Variants in PRSS23 observed in about 807,000 individuals in gnomAD.
The protein encoded by PRSS23 is serine protease 23.
Under a neutral mutation model 34.7 loss-of-function variants are expected in PRSS23, and 25 were observed. The ratio of observed to expected loss-of-function variants is 0.72; its 90% CI spans 0.53 to 1.01. The LOEUF is 1.01. PRSS23 is among the 50% of genes least tolerant of loss of function. PRSS23 has a pLI of 0.00. For missense variants in PRSS23, 445 were observed against 475.6 expected (o/e 0.94, Z 0.60); for synonymous variants, 176 against 186.6 (o/e 0.94, Z 0.46).
At position 86,939,429 on chromosome 11, in the gene PRSS23, T is replaced by A. The variant is rs1188188999; in HGVS notation, c.207-11787T>A. On this transcript the variant is annotated intron_variant, in intron 2 of 2. Coordinates refer to the PRSS23 transcript ENST00000533902. ...ATATATATATATATATATATATATTTTTTAACATGAGTAAAAATTGCAAAT... is the reference window on the plus strand; with the variant it reads ...ATATATATATATATATATATATATTATTTAACATGAGTAAAAATTGCAAAT... Among the ~76,000 whole-genome samples, 20 of 141,424 alleles carry A rather than the reference T, an allele frequency of 1.4e-4. 1 individual carries two copies. The highest frequency in any genetic ancestry group is 2.3e-4 in the Non-Finnish European group (15 of 65,756). 92.8% of individuals were successfully genotyped at this position (141,424 alleles called of 152,430 possible).
At position 86,951,273 on chromosome 11, in the gene PRSS23, T is replaced by C. The variant is rs201914515; in HGVS notation, c.264T>C (p.Asn88=). Residue 88 remains asparagine, a synonymous_variant, in exon 3 of 3, where the codon AAT becomes AAC. Coordinates refer to the PRSS23 transcript ENST00000533902. ...GTGTGAAGAGTTTTGGCAGACCAAA[T>C]CCACATGCCTGAAGTGATGCCCACC... 6.2e-7 allele frequency: 1 copy of C among 1,614,196 alleles called. No individual in the cohort carries two copies.
intron 2 of PRSS23, chr11:86,823,715 A>G: frequency 1.5e-6 from 1 of 650,808 alleles, no homozygotes; most frequent in South Asian, 1.7e-5. Context: ...TTCATCAAGA[A>G]TTCAGAGCAG....
chr11:86,952,398 T>G, exon 3 of PRSS23: 1 of 1,614,130 alleles, frequency 6.2e-7, no homozygotes, highest in Non-Finnish European at 8.5e-7. Flanking sequence ...GAAAGACACA[T>G]GCCGCCGCAT....
chr11:86,902,804 T>C (rs1948920137), intron 2 of PRSS23, among the ~76,000 whole-genome samples: 1 of 152,196 alleles, frequency 6.6e-6, no homozygotes, highest in African/African-American at 2.4e-5. Flanking sequence ...CAAGCCTGAA[T>C]TGAAAATGTC....
At chr11:86,880,249 A>G (rs572278086) in intron 2 of PRSS23, among the ~76,000 whole-genome samples, 16 of 151,262 alleles carry the variant, frequency 1.1e-4, no homozygotes, top group Non-Finnish European at 2.1e-4. Flanking sequence ...TGAAGGCAGC[A>G]TGCTCATTAA....
At chr11:86,842,551 T>G (rs1948456563) in intron 2 of PRSS23, among the ~76,000 whole-genome samples, 1 of 152,148 alleles carries the variant, frequency 6.6e-6, no homozygotes, top group South Asian at 2.1e-4. Flanking sequence ...GCCCAAAATC[T>G]CCCTAAGCTG....
At chr11:86,833,686 C>T (rs1325609424) in intron 2 of PRSS23, among the ~76,000 whole-genome samples, 1 of 152,044 alleles carries the variant, frequency 6.6e-6, no homozygotes, top group African/African-American at 2.4e-5. Context: ...TTAGTAAGCT[C>T]TCTTATTGGT....
chr11:86,950,811 G>A, intron 2 of PRSS23: 1 of 392,516 alleles, frequency 2.5e-6, no homozygotes, highest in Non-Finnish European at 4.7e-6. Context: ...ACCCTGCAGG[G>A]GAAAACAGTA....
chr11:86,832,667 T>C (rs1018701493), intron 2 of PRSS23: 39 of 412,910 alleles, frequency 9.4e-5, no homozygotes, highest in African/African-American at 2.1e-5. Flanking sequence ...AGATGACACA[T>C]CTGAACTCAG....
At chr11:86,792,110 C>T (rs987419654) in intron 1 of PRSS23, among the ~76,000 whole-genome samples, 1 of 152,188 alleles carries the variant, frequency 6.6e-6, no homozygotes, top group Non-Finnish European at 1.5e-5. Context: ...GAGTTCTCCA[C>T]CCTTCACTAC....
At chr11:86,791,840 T>C (rs1947954038) in intron 1 of PRSS23, among the ~76,000 whole-genome samples, 1 of 152,234 alleles carries the variant, frequency 6.6e-6, no homozygotes, top group Non-Finnish European at 1.5e-5. Flanking sequence ...TATGCTGCCA[T>C]GTGTAAGAGC....
intron 2 of PRSS23, among the ~76,000 whole-genome samples, chr11:86,907,364 TAGC>T: frequency 6.6e-6 from 1 of 152,352 alleles, no homozygotes; most frequent in Non-Finnish European, 1.5e-5. Context: ...ATCAAAATGT[TAGC>T]AGTGGTGTTA....
chr11:86,927,912 G>A (rs1341042661), intron 2 of PRSS23, among the ~76,000 whole-genome samples: 1 of 151,518 alleles, frequency 6.6e-6, no homozygotes, highest in Non-Finnish European at 1.5e-5. Context: ...CTGCACTCCA[G>A]CCTGGGTGAC....
At position 86,852,052 on chromosome 11, in the gene PRSS23, G is replaced by A. The variant is rs532273890; in HGVS notation, c.206+28459G>A. Among the ~76,000 whole-genome samples the A allele has an allele frequency of 2.6e-3, 391 of 152,260 alleles. 1 individual carries two copies. Among genetic ancestry groups the A allele is most frequent in the Middle Eastern group, 0.01 (3 of 294 alleles). On this transcript the variant is annotated intron_variant, in intron 2 of 2. Coordinates refer to the PRSS23 transcript ENST00000533902. ...ACTGCACTCTCCTGTTTGTCCTGAG[G>A]ATGAGGAAACAAAGCAACGCTCCCA... is the stretch of plus-strand genomic sequence containing the variant.
At chr11:86,829,003 G>A (rs1269180296) in intron 2 of PRSS23, among the ~76,000 whole-genome samples, 2 of 152,144 alleles carry the variant, frequency 1.3e-5, no homozygotes, top group African/African-American at 2.4e-5. Context: ...GAGTATCTTT[G>A]TGGCGTTCTC....
chr11:86,946,250 T>C (rs1024856164), intron 2 of PRSS23: 2 of 152,246 alleles, frequency 1.3e-5, no homozygotes, highest in Admixed American at 1.3e-4. Flanking sequence ...GGAGAGAAGA[T>C]GGACCCAACC....
chr11:86,847,192 T>C (rs1343349287), intron 2 of PRSS23, among the ~76,000 whole-genome samples: 1 of 152,156 alleles, frequency 6.6e-6, no homozygotes, highest in Non-Finnish European at 1.5e-5. Flanking sequence ...CTGGAGGACA[T>C]CCACCACCCC....
chr11:86,831,131 C>A (rs886453622), intron 2 of PRSS23, among the ~76,000 whole-genome samples: 2 of 152,102 alleles, frequency 1.3e-5, no homozygotes, highest in Non-Finnish European at 2.9e-5. Flanking sequence ...GGTGTACACT[C>A]CGTGATATTA....
intron 2 of PRSS23, chr11:86,948,059 C>T (rs1949258430): frequency 6.7e-6 from 1 of 150,096 alleles, no homozygotes. Flanking sequence ...CTCTCATAGT[C>T]TTCCTAAGGG....
Sources: allele counts gnomAD v4.1 joint callset (sites outside exome capture counted in the v4.1 genomes callset), GRCh38; gene constraint gnomAD v4.1.1; transcripts MANE v1.5; gene names NCBI Gene and HGNC (gene_info 2026-07-23, HGNC 2026-07-21).